TRPC5: variants seen among roughly 807,000 people sequenced by gnomAD.
TRPC5 encodes short transient receptor potential channel 5.
In TRPC5, 9 loss-of-function variants were observed where a neutral mutation model predicts 56.5. The ratio of observed to expected loss-of-function variants is 0.16; its 90% CI spans 0.10 to 0.28. TRPC5 has a LOEUF of 0.28. Ranked by LOEUF, TRPC5 falls within the 10% of genes least tolerant of loss-of-function variation. TRPC5 has a pLI of 1.00. For synonymous variants in TRPC5, 282 were observed against 278.5 expected (o/e 1.01, Z -0.13); for missense variants, 469 against 748.9 (o/e 0.63, Z 4.36).
chrX:111,912,602 G>T lies in TRPC5; in HGVS notation c.589C>A (p.Leu197Met). The T allele has an allele frequency of 8.3e-7, 1 of 1,211,637 alleles. No individual in the cohort carries two copies. The highest frequency in any genetic ancestry group is 1.1e-6 in the Non-Finnish European group (1 of 895,518). ...VDSLRHSRSR[L>M]NIYKALASPS... Reference sequence around the variant, plus strand: ...CTTGCCAGAGCCTTATAGATGTTCAGTCGGGAGCGAGAGTGGCGCAGGCTG... The same window carrying T: ...CTTGCCAGAGCCTTATAGATGTTCATTCGGGAGCGAGAGTGGCGCAGGCTG... The change falls in exon 3 of 11, where the codon CTG becomes ATG. Residue 197 changes from leucine (L) to methionine (M), a missense_variant. By Grantham distance (15) the Leu-to-Met change is conservative (BLOSUM62 2). Transcript: ENST00000262839.
At chrX:112,016,972 G>C (rs1929143166) in intron 1 of TRPC5, among the ~76,000 whole-genome samples, 1 of 111,846 alleles carries the variant, frequency 8.9e-6, no homozygotes, top group Admixed American at 9.5e-5. Flanking sequence ...TACTTAATAC[G>C]TGGCAGTTGT....
chrX:112,005,626 T>A lies in TRPC5; in HGVS notation c.-21-53185A>T, dbSNP rs187017774. 1.0e-3 allele frequency among the ~76,000 whole-genome samples: 112 copies of A among 110,664 alleles called. 1 individual carries two copies. The highest frequency in any genetic ancestry group is 1.4e-3 in the Non-Finnish European group (73 of 52,920). On this transcript the variant is annotated intron_variant, in intron 1 of 10. Transcript: ENST00000262839. ...GAGGATCCCTGTTCTAAGAGAAGTA[T>A]AAAGCACATCTGTAAATGGATGGGA... is the stretch of plus-strand genomic sequence containing the variant.
intron 7 of TRPC5, among the ~76,000 whole-genome samples, chrX:111,812,728 A>G (rs931503849): frequency 8.9e-6 from 1 of 111,959 alleles, no homozygotes; most frequent in Non-Finnish European, 1.9e-5. Context: ...TAAACACAGT[A>G]AGCTGCTAAT....
rs753510229 is a variant in TRPC5, at chrX:111,774,957, C to T, written c.*1356G>A. ...CCTTTGTGCTAATGTTGGTAAAAGC[C>T]GTCCTTGCTCAGCAGGTTCTCAGTG... On this transcript the variant is annotated 3_prime_UTR_variant, in exon 11 of 11. Transcript: ENST00000262839. 1.8e-5 allele frequency: 2 copies of T among 110,707 alleles called. No individual in the cohort carries two copies. The highest frequency in any genetic ancestry group is 8.0e-4 in the South Asian group (2 of 2,488). 9.1% of individuals were successfully genotyped at this position (110,707 alleles called of 1,213,427 possible).
At chrX:111,798,708 C>T (rs1921195739) in intron 7 of TRPC5, among the ~76,000 whole-genome samples, 1 of 111,588 alleles carries the variant, frequency 9.0e-6, no homozygotes, top group Non-Finnish European at 1.9e-5. Context: ...CCAGCATGTG[C>T]AAAAACTTTG....
At chrX:111,808,505 T>C (rs773634731) in intron 7 of TRPC5, among the ~76,000 whole-genome samples, 6 of 110,902 alleles carry the variant, frequency 5.4e-5, no homozygotes, top group Non-Finnish European at 1.1e-4. Context: ...CAGCTTGCAA[T>C]GAATGCTGCC....
chrX:111,909,470 C>A (rs17222601), intron 3 of TRPC5, among the ~76,000 whole-genome samples: 2,657 of 111,014 alleles, frequency 0.024, 38 homozygotes, highest in Middle Eastern at 0.1. Context: ...TTCAAAAATG[C>A]ATCCTAGTGA....
At chrX:112,050,999 C>T (rs920628888) in intron 1 of TRPC5, among the ~76,000 whole-genome samples, 2 of 112,511 alleles carry the variant, frequency 1.8e-5, no homozygotes, top group African/African-American at 6.5e-5. Context: ...CGTGTATACC[C>T]GATATCTACT....
intron 2 of TRPC5, among the ~76,000 whole-genome samples, chrX:111,951,008 A>T (rs1363430699): frequency 8.9e-6 from 1 of 111,972 alleles, no homozygotes; most frequent in East Asian, 2.8e-4. Flanking sequence ...CTCATATCCT[A>T]TTTTAGGGAG....
intron 1 of TRPC5, among the ~76,000 whole-genome samples, chrX:112,030,622 C>A (rs1602401424): frequency 8.9e-6 from 1 of 112,127 alleles, no homozygotes. Context: ...CCTTGTCTTT[C>A]TCTCATTTTG....
intron 1 of TRPC5, among the ~76,000 whole-genome samples, chrX:112,043,522 G>T (rs759770919): frequency 1.4e-4 from 15 of 110,550 alleles, no homozygotes; most frequent in Non-Finnish European, 2.8e-4. Flanking sequence ...AATGCTGCTA[G>T]TTGCTATCAT....
At chrX:111,959,878 G>T (rs1021803503) in intron 1 of TRPC5, among the ~76,000 whole-genome samples, 9 of 111,357 alleles carry the variant, frequency 8.1e-5, no homozygotes, top group Non-Finnish European at 1.5e-4. Flanking sequence ...TATTATAAGT[G>T]GTAACTGGAG....
At chrX:111,941,314 CTT>C (rs1926772179) in intron 2 of TRPC5, among the ~76,000 whole-genome samples, 4 of 110,825 alleles carry the variant, frequency 3.6e-5, no homozygotes, top group African/African-American at 6.6e-5. Context: ...TAGGGAAAGA[CTT>C]TTTCCTGAAG....
chrX:112,047,051 A>G (rs776731231), intron 1 of TRPC5, among the ~76,000 whole-genome samples: 8 of 111,249 alleles, frequency 7.2e-5, no homozygotes, highest in Non-Finnish European at 1.3e-4. Flanking sequence ...GAGGGCAGGG[A>G]CTCTTGTCTT....
intron 7 of TRPC5, among the ~76,000 whole-genome samples, chrX:111,795,875 A>C (rs1921072735): frequency 9.1e-6 from 1 of 109,532 alleles, no homozygotes; most frequent in South Asian, 3.9e-4. Flanking sequence ...CAAGTCTTTG[A>C]GGTTCTGTTC....
rs1013654806 is a variant in TRPC5, at chrX:111,768,137, T to G, written c.*8176A>C. Among the ~76,000 whole-genome samples, 12 of 112,532 alleles carry G rather than the reference T, an allele frequency of 1.1e-4. No homozygotes were observed. The highest frequency in any genetic ancestry group is 1.0e-3 in the Admixed American group (11 of 10,637). On this transcript the variant is annotated 3_prime_UTR_variant, in exon 11 of 11. Transcript: ENST00000262839. ...ACACTGTGCACTTACAGAAAGTGTT[T>G]AAATAAAAGTGATAGTTATTCAAAG...
chrX:111,787,908 G>A (rs1945982065), intron 7 of TRPC5, among the ~76,000 whole-genome samples: 1 of 111,510 alleles, frequency 9.0e-6, no homozygotes, highest in Non-Finnish European at 1.9e-5. Context: ...CTCTGAATTT[G>A]AGGCCATAAT....
intron 1 of TRPC5, among the ~76,000 whole-genome samples, chrX:111,980,279 T>TC (rs1425578905): frequency 1.8e-5 from 2 of 111,156 alleles, no homozygotes; most frequent in African/African-American, 6.5e-5. Flanking sequence ...TTAAAATGAA[T>TC]CTATAGTGAG....
At chrX:112,026,190 G>A (rs1602398455) in intron 1 of TRPC5, among the ~76,000 whole-genome samples, 1 of 111,624 alleles carries the variant, frequency 9.0e-6, no homozygotes, top group East Asian at 2.8e-4. Flanking sequence ...CCCTTATGAA[G>A]CACTCTCTGT....
Sources: gnomAD v4.1 joint callset for allele counts (sites outside exome capture counted in the v4.1 genomes callset) on GRCh38, gnomAD v4.1.1 for gene constraint, MANE v1.5 for transcripts, NCBI Gene and HGNC (gene_info 2026-07-23, HGNC 2026-07-21) for gene names.